VIP: variants seen among roughly 807,000 people sequenced by gnomAD.
VIP encodes VIP peptides.
In VIP, 18 loss-of-function variants were observed where a neutral mutation model predicts 20.1. The ratio of observed to expected loss-of-function variants is 0.90; its 90% CI spans 0.62 to 1.33. VIP has a LOEUF of 1.33. VIP is among the 40% of genes most tolerant of loss of function. The pLI is 0.00. For synonymous variants in VIP, 70 were observed against 68.1 expected (o/e 1.03, Z -0.14); for missense variants, 209 against 199.4 (o/e 1.05, Z -0.29).
chr6:152,752,368 A>G, intron 2 of VIP, 84 bp downstream of exon 2: 2 of 1,151,776 alleles, frequency 1.7e-6, no homozygotes, highest in South Asian at 1.4e-5. Context: ...GGACAACTAA[A>G]TAGTATAAAT....
At chr6:152,755,779 T>C (rs2099730332) in intron 4 of VIP, among the ~76,000 whole-genome samples, 2 of 151,702 alleles carry the variant, frequency 1.3e-5, no homozygotes, top group African/African-American at 2.4e-5. Flanking sequence ...ATGACGTTGC[T>C]CAGGGTAGCA....
At chr6:152,751,174 T>C (rs2099729562) in intron 1 of VIP, among the ~76,000 whole-genome samples, 2 of 152,198 alleles carry the variant, frequency 1.3e-5, no homozygotes, top group Non-Finnish European at 1.5e-5. Context: ...TGTAAGATGC[T>C]TTACCCTGCT....
Position 152,757,189 on chromosome 6 carries a change from G to A in VIP, c.*43+5G>A, listed in dbSNP as rs1463995690. 2 of 1,566,396 alleles carry A rather than the reference G, an allele frequency of 1.3e-6. No individual in the cohort carries two copies. The highest frequency in any genetic ancestry group is 3.4e-5 in the Admixed American group (2 of 59,112). On this transcript the variant is annotated splice_donor_5th_base_variant and intron_variant, in intron 6 of 6. Transcript: ENST00000367244. ...GCTGATGACAACTTCCCAGTGGTGG[G>A]TATATTCGTGCATTCCTTCTGTATT...
chr6:152,757,678 T>G (rs935218804), intron 6 of VIP, among the ~76,000 whole-genome samples: 2 of 151,968 alleles, frequency 1.3e-5, no homozygotes, highest in African/African-American at 4.8e-5. Flanking sequence ...CTATATTCCT[T>G]GAAACATGGC....
chr6:152,759,333 A>G lies in VIP; in HGVS notation c.*467A>G, dbSNP rs1387927907. ...TTAAGCAGATGGAATGCTGTGTTAA[A>G]TAAACCTCAAAATGTCTAAGATAGT... On this transcript the variant is annotated 3_prime_UTR_variant, in exon 7 of 7. Coordinates refer to ENST00000367244, the MANE Select transcript of VIP (RefSeq NM_003381.4). 6.6e-6 allele frequency: 1 copy of G among 152,032 alleles called. No homozygotes were observed. Among genetic ancestry groups the G allele is most frequent in the Non-Finnish European group, 1.5e-5 (1 of 67,960 alleles). The allele number at this position is 152,032 out of a possible 1,614,324, so 9.4% of individuals were successfully genotyped here.
intron 1 of VIP, among the ~76,000 whole-genome samples, chr6:152,751,401 C>T (rs2099729608): frequency 6.6e-6 from 1 of 151,842 alleles, no homozygotes; most frequent in Non-Finnish European, 1.5e-5. Context: ...TTTTTATAGG[C>T]AGCAAGAGAA....
rs910098358 is a variant in VIP at position 152,759,624 on chromosome 6, T to A, written c.*758T>A. Reference sequence around the variant, plus strand: ...ACTCAGTTGTTCAATAATAAATATTTTTGCCATAATGACTCAGAATATTGC... The same window carrying A: ...ACTCAGTTGTTCAATAATAAATATTATTGCCATAATGACTCAGAATATTGC... On this transcript the variant is annotated 3_prime_UTR_variant, in exon 7 of 7. Transcript: ENST00000367244. 1.5e-4 allele frequency: 23 copies of A among 151,932 alleles called. No individual in the cohort carries two copies. The highest frequency in any genetic ancestry group is 5.3e-4 in the African/African-American group (22 of 41,394). 9.4% of individuals were successfully genotyped at this position (151,932 alleles called of 1,614,324 possible).
intron 5 of VIP, among the ~76,000 whole-genome samples, chr6:152,756,621 T>C (rs190945054): frequency 1.3e-5 from 2 of 152,136 alleles, no homozygotes; most frequent in Admixed American, 1.3e-4. Flanking sequence ...TTTTAAAACA[T>C]GTAAAGCATA....
In VIP at chr6:152,753,445, A is replaced by G. The variant is rs560999166; in HGVS notation, c.108-721A>G. ...TATGCATGCATCCATAAATATAGTC[A>G]TATTCCATATATGCATTTGACTATT... On this transcript the variant is annotated intron_variant, in intron 2 of 6. Coordinates refer to ENST00000367244, the MANE Select transcript of VIP (RefSeq NM_003381.4). 5.3e-5 allele frequency among the ~76,000 whole-genome samples: 8 copies of G among 152,222 alleles called. No homozygotes were observed. In the East Asian group the frequency reaches 1.5e-3, roughly 29 times the overall value.
rs144916179 is a variant in VIP, at chr6:152,752,051, T to C, written c.-10-117T>C. On this transcript the variant is annotated intron_variant, in intron 1 of 6. Transcript: ENST00000367244. ...TTGCAATTTAACTCTTTCTACAAGA[T>C]GAAAATTACTCTTTACAAACTCTGC... The C allele has an allele frequency of 6.6e-3, 4,055 of 613,182 alleles. 117 individuals carry two copies. The highest frequency in any genetic ancestry group is 0.065 in the African/African-American group (3,550 of 54,408). The allele number at this position is 613,182 out of a possible 1,614,324, so 38.0% of individuals were successfully genotyped here.
rs369872230 is a variant in VIP at position 152,757,102 on chromosome 6, G to T, written c.474G>T (p.Glu158Asp). The T allele has an allele frequency of 1.4e-5, 22 of 1,611,696 alleles. No individual in the cohort carries two copies. The African/African-American group carries it at 2.9e-4, about 22-fold the overall frequency. ...ATGTTTTTCTGGTCTGCAGCAGTGA[G>T]GGAGAATCTCCCGACTTTCCAGAAG... ...NSILNGKRSS[E>D]GESPDFPEEL... The change falls in exon 6 of 7, where the codon GAG becomes GAT. Residue 158 changes from glutamate to aspartate, a missense_variant. Glu to Asp is a conservative substitution (Grantham distance 45). Coordinates refer to ENST00000367244, the MANE Select transcript of VIP (RefSeq NM_003381.4).
chr6:152,754,350 A>G (rs2099730092), intron 3 of VIP, 62 bp downstream of exon 3: 8 of 1,470,208 alleles, frequency 5.4e-6, no homozygotes, highest in Non-Finnish European at 7.4e-6. Context: ...TTTAAGAACT[A>G]TAAACGTGCT....
chr6:152,756,144 T>C lies in VIP; in HGVS notation c.346T>C (p.Ser116Pro). ...LMGKRVSSNI[S>P]EDPVPVKRHS... Reference sequence around the variant, plus strand: ...CCTCATGTTCCTTAGCAGTAACATCTCAGAAGACCCTGTACCAGTCAAACG... The same window carrying C: ...CCTCATGTTCCTTAGCAGTAACATCCCAGAAGACCCTGTACCAGTCAAACG... The change falls in exon 5 of 7, where the codon TCA becomes CCA. Residue 116 changes from serine (S) to proline (P), a missense_variant. By Grantham distance (74) the Ser-to-Pro change is moderately conservative. Coordinates refer to ENST00000367244, the MANE Select transcript of VIP (RefSeq NM_003381.4). The C allele has an allele frequency of 5.7e-6, 9 of 1,576,468 alleles. No individual in the cohort carries two copies. The highest frequency in any genetic ancestry group is 7.7e-6 in the Non-Finnish European group (9 of 1,163,306).
In VIP at chr6:152,759,196, T is replaced by C. The variant is rs1421858363; in HGVS notation, c.*330T>C. The C allele has an allele frequency of 1.3e-5, 2 of 152,106 alleles. No homozygotes were observed. Among genetic ancestry groups the C allele is most frequent in the Non-Finnish European group, 2.9e-5 (2 of 67,958 alleles). The allele number at this position is 152,106 out of a possible 1,614,324, so 9.4% of individuals were successfully genotyped here. A position where few individuals can be genotyped will look rare whatever the true frequency, so the allele number is the denominator to read the frequency against. On this transcript the variant is annotated 3_prime_UTR_variant, in exon 7 of 7. Coordinates refer to ENST00000367244, the MANE Select transcript of VIP (RefSeq NM_003381.4). ...AAATGCTAGGTTAATTCCAATTATA[T>C]GAGACGTTTTTGGAAGAGTAGTAAT...
chr6:152,752,127 C>A, intron 1 of VIP, 41 bp from the exon 2 acceptor site: 1 of 1,456,268 alleles, frequency 6.9e-7, no homozygotes. Flanking sequence ...TTGCTGGTGA[C>A]ATCTTTGGCT....
At chr6:152,752,716 T>C (rs963804756) in intron 2 of VIP, among the ~76,000 whole-genome samples, 22 of 152,164 alleles carry the variant, frequency 1.4e-4, no homozygotes, top group African/African-American at 5.3e-4. Flanking sequence ...AGTTGATTAG[T>C]GAAACATGTA....
At chr6:152,758,688 A>G (rs1445541317) in intron 6 of VIP, among the ~76,000 whole-genome samples, 5 of 152,002 alleles carry the variant, frequency 3.3e-5, no homozygotes, top group African/African-American at 1.2e-4. Flanking sequence ...ATCATTAATA[A>G]TGGTTAGTTA....
At chr6:152,758,507 G>T (rs533141228) in intron 6 of VIP, among the ~76,000 whole-genome samples, 1 of 152,128 alleles carries the variant, frequency 6.6e-6, no homozygotes, top group East Asian at 1.9e-4. Flanking sequence ...AAGAAACACG[G>T]TAGGCACTAA....
At chr6:152,752,332 A>AT in intron 2 of VIP, 48 bp downstream of exon 2, 3 of 1,475,654 alleles carry the variant, frequency 2.0e-6, no homozygotes, top group Non-Finnish European at 2.8e-6. Flanking sequence ...TCCTCATCTA[A>AT]ATGGGAATTT....
Sources: gnomAD v4.1 joint callset for allele counts (sites outside exome capture counted in the v4.1 genomes callset) on GRCh38, gnomAD v4.1.1 for gene constraint, MANE v1.5 for transcripts, NCBI Gene and HGNC (gene_info 2026-07-23, HGNC 2026-07-21) for gene names.